The following C13orf42 variants were observed in gnomAD, a reference collection of about 807,000 sequenced individuals.
The protein encoded by C13orf42 is chromosome 13 open reading frame 42, also known as uncharacterized protein C13orf42.
chr13:51,114,716 C>T (rs1290012577), upstream of C13orf42, among the ~76,000 whole-genome samples: 1 of 152,130 alleles, frequency 6.6e-6, no homozygotes, highest in Non-Finnish European at 1.5e-5. Flanking sequence ...TCCATTCATC[C>T]ATCAGTGAAC....
chr13:51,100,758 A>G (rs1365052615), intron 1 of C13orf42, among the ~76,000 whole-genome samples: 1 of 152,188 alleles, frequency 6.6e-6, no homozygotes, highest in Non-Finnish European at 1.5e-5. Flanking sequence ...GGAAAGTAAT[A>G]CGTAAAAGAA....
chr13:51,147,894 C>T (rs1191681307), intron 1 of C13orf42, among the ~76,000 whole-genome samples: 4 of 152,150 alleles, frequency 2.6e-5, no homozygotes, highest in Non-Finnish European at 5.9e-5. Context: ...GCTAATAAAA[C>T]GGCTCAGTTG....
At chr13:51,126,057 T>C (rs1953574580) in intron 1 of C13orf42, among the ~76,000 whole-genome samples, 1 of 152,200 alleles carries the variant, frequency 6.6e-6, no homozygotes, top group Admixed American at 6.5e-5. Flanking sequence ...AATTAGTGAA[T>C]GTATGCAAAT....
At chr13:51,132,170 C>T (rs747567675) in intron 1 of C13orf42, among the ~76,000 whole-genome samples, 29 of 152,248 alleles carry the variant, frequency 1.9e-4, no homozygotes, top group African/African-American at 5.1e-4. Context: ...CGGCCGGGCG[C>T]GGTGGCTCAC....
chr13:51,109,375 C>CA (rs1953400379), intron 1 of C13orf42, among the ~76,000 whole-genome samples: 1 of 152,158 alleles, frequency 6.6e-6, no homozygotes, highest in African/African-American at 2.4e-5. Context: ...AGGCCTGCTT[C>CA]AAACATCTCA....
At chr13:51,155,618 A>G (rs1953818434) in intron 1 of C13orf42, among the ~76,000 whole-genome samples, 1 of 152,212 alleles carries the variant, frequency 6.6e-6, no homozygotes, top group East Asian at 1.9e-4. Flanking sequence ...CCCCACTCTT[A>G]TCTGAGGCTC....
chr13:51,095,133 T>C (rs1241555069), intron 1 of C13orf42, among the ~76,000 whole-genome samples: 2 of 152,238 alleles, frequency 1.3e-5, no homozygotes, highest in African/African-American at 2.4e-5. Flanking sequence ...GTCTTAGGTA[T>C]GTCTTCATTA....
chr13:51,120,047 C>T (rs754849372), intron 1 of C13orf42, among the ~76,000 whole-genome samples: 8 of 151,960 alleles, frequency 5.3e-5, no homozygotes, highest in Non-Finnish European at 1.2e-4. Context: ...TATTGAAGTC[C>T]GCGCTGATTT....
intron 1 of C13orf42, among the ~76,000 whole-genome samples, chr13:51,153,626 T>TTTTTTTTGTTTG (rs1953800571): frequency 7.0e-6 from 1 of 142,512 alleles, no homozygotes; most frequent in African/African-American, 2.7e-5. Context: ...TTTCTGTTTT[T>TTTTTTTTGTTTG]TTTCTTTTTT....
chr13:51,108,014 C>T (rs1341957101), intron 1 of C13orf42, among the ~76,000 whole-genome samples: 1 of 152,190 alleles, frequency 6.6e-6, no homozygotes, highest in East Asian at 1.9e-4. Flanking sequence ...AAGCTGTCCG[C>T]AGGGCCATGC....
chr13:51,111,290 C>A, upstream of C13orf42: 1 of 397,868 alleles, frequency 2.5e-6, no homozygotes. Flanking sequence ...GAGAAGCCGA[C>A]ATCCAGGCCT....
intron 1 of C13orf42, among the ~76,000 whole-genome samples, chr13:51,164,985 T>A (rs767485911): frequency 1.7e-4 from 26 of 152,220 alleles, no homozygotes; most frequent in Non-Finnish European, 3.4e-4. Context: ...CCACAGTCTT[T>A]AGCATATGAT....
rs546536340 is a variant in C13orf42 at position 51,171,565 on chromosome 13, C to T, written n.136+688G>A. On this transcript the variant is annotated intron_variant and non_coding_transcript_variant, in intron 1 of 4. Transcript: ENST00000433280. ...CCAGGCTGCTCCTGGCCAGGCCGAGCTAGGTCCCAATTCTTCCTCAGCCTC... is the reference window on the plus strand; with the variant it reads ...CCAGGCTGCTCCTGGCCAGGCCGAGTTAGGTCCCAATTCTTCCTCAGCCTC... Among the ~76,000 whole-genome samples the T allele has an allele frequency of 5.3e-5, 8 of 152,210 alleles. No individual in the cohort carries two copies. In the South Asian group the frequency reaches 1.2e-3, roughly 24 times the overall value.
At chr13:51,103,871 G>A (rs1268666869) in intron 1 of C13orf42, among the ~76,000 whole-genome samples, 2 of 152,126 alleles carry the variant, frequency 1.3e-5, no homozygotes, top group Non-Finnish European at 2.9e-5. Flanking sequence ...AGACTACCAT[G>A]GACTGGGGAA....
At chr13:51,113,771 C>G (rs773723565), upstream of C13orf42, among the ~76,000 whole-genome samples, 2 of 152,134 alleles carry the variant, frequency 1.3e-5, no homozygotes, top group Non-Finnish European at 2.9e-5. Context: ...CCCATCAAAC[C>G]CCAAATCAGT....
chr13:51,091,319 T>C (rs536324682), intron 1 of C13orf42, among the ~76,000 whole-genome samples: 1 of 152,332 alleles, frequency 6.6e-6, no homozygotes, highest in East Asian at 1.9e-4. Flanking sequence ...CATATGTGCC[T>C]GTGTAACTAA....
intron 1 of C13orf42, among the ~76,000 whole-genome samples, chr13:51,108,432 G>A (rs576846052): frequency 2.0e-5 from 3 of 152,256 alleles, no homozygotes; most frequent in South Asian, 4.1e-4. Flanking sequence ...CCCCTGTCCC[G>A]GCAATGCACA....
chr13:51,150,794 G>A (rs988688042), intron 1 of C13orf42, among the ~76,000 whole-genome samples: 2 of 152,218 alleles, frequency 1.3e-5, no homozygotes, highest in East Asian at 3.8e-4. Context: ...AGCTGCATTA[G>A]CACTTGCTGA....
At chr13:51,159,257 T>C (rs1385270868) in intron 1 of C13orf42, among the ~76,000 whole-genome samples, 1 of 152,220 alleles carries the variant, frequency 6.6e-6, no homozygotes, top group Admixed American at 6.5e-5. Context: ...CTATGATTTA[T>C]ATTTTCTTCC....
Sources: gnomAD v4.1 joint callset for allele counts (sites outside exome capture counted in the v4.1 genomes callset) on GRCh38, gnomAD v4.1.1 for gene constraint, MANE v1.5 for transcripts, NCBI Gene and HGNC (gene_info 2026-07-23, HGNC 2026-07-21) for gene names.